The following APOL1 variants were observed in gnomAD, a reference collection of about 807,000 sequenced individuals.
APOL1 encodes apolipoprotein L1, also known as apolipoprotein L 1.
APOL1 carries 17 observed loss-of-function variants against 14.9 expected under a neutral mutation model. The observed-to-expected ratio is 1.14, with a 90% CI of 0.78 to 1.71. The LOEUF is 1.71. APOL1 is among the 40% of genes most tolerant of loss of function. APOL1 has a pLI of 0.00. For synonymous variants in APOL1, 195 were observed against 184.8 expected (o/e 1.05, Z -0.45); for missense variants, 523 against 485.9 (o/e 1.08, Z -0.72).
At chr22:36,261,872 T>G (rs1289678904) in intron 5 of APOL1, 150 bp downstream of exon 5, 5 of 975,642 alleles carry the variant, frequency 5.1e-6, no homozygotes, top group Non-Finnish European at 5.8e-6. Context: ...GGAAGAATAT[T>G]TCCTCCATGT....
chr22:36,254,476 C>T (rs1024808055), intron 1 of APOL1, among the ~76,000 whole-genome samples: 9 of 152,044 alleles, frequency 5.9e-5, no homozygotes, highest in Admixed American at 5.2e-4. Flanking sequence ...TTGAAGGAGG[C>T]GGATCACTTG....
intron 4 of APOL1, 53 bp downstream of exon 4, chr22:36,257,460 G>T: frequency 1.3e-6 from 2 of 1,512,524 alleles, no homozygotes; most frequent in Non-Finnish European, 1.8e-6. Flanking sequence ...AGAATGGAGG[G>T]TGGCACCTCC....
chr22:36,254,727 G>A (rs987225680), intron 1 of APOL1, among the ~76,000 whole-genome samples: 17 of 152,094 alleles, frequency 1.1e-4, no homozygotes, highest in African/African-American at 3.4e-4. Flanking sequence ...GCCGGGTGTC[G>A]TGGCGGGCAC....
chr22:36,254,687 C>G (rs1216836938), intron 1 of APOL1, among the ~76,000 whole-genome samples: 1 of 152,018 alleles, frequency 6.6e-6, no homozygotes, highest in African/African-American at 2.4e-5. Flanking sequence ...ATGGTGAAAC[C>G]CTGTCTCTAC....
At chr22:36,259,518 T>C (rs2016006472) in intron 4 of APOL1, 1 of 1,121,512 alleles carries the variant, frequency 8.9e-7, no homozygotes, top group Non-Finnish European at 1.1e-6. Flanking sequence ...CAAACTGGGC[T>C]GTGCTGAGTC....
chr22:36,261,549 C>T (rs761392769), intron 4 of APOL1, 47 bp from the exon 5 acceptor site: 183 of 1,574,578 alleles, frequency 1.2e-4, no homozygotes, highest in African/African-American at 4.1e-5. Flanking sequence ...GGCTGTTATG[C>T]ACTCCCACAC....
chr22:36,266,164 C>A lies in APOL1; in HGVS notation c.*131C>A. 9.6e-7 allele frequency: 1 copy of A among 1,039,188 alleles called. No individual in the cohort carries two copies. The highest frequency in any genetic ancestry group is 1.4e-6 in the Non-Finnish European group (1 of 729,724). The allele number at this position is 1,039,188 out of a possible 1,614,324, so 64.4% of individuals were successfully genotyped here. ...GGAGTGCAATGGTGCGATCTCAGCTCACTGCAAGCTCTGCCTCCCGTGTTC... is the reference window on the plus strand; with the variant it reads ...GGAGTGCAATGGTGCGATCTCAGCTAACTGCAAGCTCTGCCTCCCGTGTTC... On this transcript the variant is annotated 3_prime_UTR_variant, in exon 6 of 6. Transcript: ENST00000397278.
chr22:36,257,197 G>T, intron 3 of APOL1, 61 bp downstream of exon 3: 1 of 1,612,118 alleles, frequency 6.2e-7, no homozygotes, highest in Non-Finnish European at 8.5e-7. Flanking sequence ...TCTGGTTTAG[G>T]TTGGTCTTGG....
chr22:36,264,480 CTT>C (rs2016169820), intron 5 of APOL1, among the ~76,000 whole-genome samples: 1 of 152,200 alleles, frequency 6.6e-6, no homozygotes, highest in Non-Finnish European at 1.5e-5. Flanking sequence ...AATAAGGTCT[CTT>C]TGTCTCACTC....
chr22:36,254,857 C>T (rs764852873), intron 1 of APOL1, 80 bp from the exon 2 acceptor site: 58 of 1,575,948 alleles, frequency 3.7e-5, no homozygotes, highest in Middle Eastern at 2.1e-4. Flanking sequence ...AGCGAGACTC[C>T]ATTTCAAAAA....
rs752250834 is a variant in APOL1, at chr22:36,265,477, T to G, written c.641T>G (p.Leu214Trp). The change falls in exon 6 of 6, where the codon TTG (leucine) becomes TGG (tryptophan). Residue 214 changes from leucine to tryptophan, a missense_variant. Leu to Trp is a moderately conservative substitution (Grantham distance 61, BLOSUM62 -2). Coordinates refer to ENST00000397278, the MANE Select transcript of APOL1 (RefSeq NM_003661.4). ...GTACTCTTGGAACCTGGGATGGAGT[T>G]GGGAATCACAGCCGCTTTGACCGGG... ...SLVLLEPGME[L>W]GITAALTGIT... 7 of 1,614,004 alleles carry G rather than the reference T, an allele frequency of 4.3e-6. No homozygotes were observed. The South Asian group carries it at 7.7e-5, about 18-fold the overall frequency.
chr22:36,257,282 C>T (rs760680671), intron 3 of APOL1, 37 bp from the exon 4 acceptor site: 1 of 1,610,220 alleles, frequency 6.2e-7, no homozygotes, highest in South Asian at 1.1e-5. Flanking sequence ...ACTGGTGGCT[C>T]ACATTTGATC....
intron 1 of APOL1, 98 bp downstream of exon 1, chr22:36,253,317 T>A (rs1040510958): frequency 3.8e-6 from 1 of 263,434 alleles, no homozygotes; most frequent in African/African-American, 2.3e-5. Flanking sequence ...GACAGGAAAG[T>A]AGCGGCAAAG....
chr22:36,253,154 A>T lies in APOL1; in HGVS notation c.-85A>T. ...GGTTATTATACAGACGCATAACTGG[A>T]GGTGGGATCCACACAGCTCAGAACA... On this transcript the variant is annotated 5_prime_UTR_variant, in exon 1 of 6. Transcript: ENST00000397278. 2.0e-6 allele frequency: 1 copy of T among 497,654 alleles called. No homozygotes were observed. Among genetic ancestry groups the T allele is most frequent in the Non-Finnish European group, 4.0e-6 (1 of 249,688 alleles). The allele number at this position is 497,654 out of a possible 1,614,324, so 30.8% of individuals were successfully genotyped here.
At chr22:36,263,991 C>A (rs1415693765) in intron 5 of APOL1, among the ~76,000 whole-genome samples, 1 of 152,148 alleles carries the variant, frequency 6.6e-6, no homozygotes, top group African/African-American at 2.4e-5. Flanking sequence ...GGGGGGAAGA[C>A]CCTCCCTAAA....
chr22:36,253,921 G>A (rs189872260), intron 1 of APOL1: 228 of 1,613,942 alleles, frequency 1.4e-4, no homozygotes, highest in African/African-American at 1.4e-3. Context: ...AGAAGGGTGC[G>A]TTGCAGAATG....
intron 3 of APOL1, 84 bp downstream of exon 3, chr22:36,257,220 C>T (rs1183830292): frequency 1.2e-6 from 2 of 1,605,182 alleles, no homozygotes; most frequent in Admixed American, 3.3e-5. Context: ...TTTGCTTCCA[C>T]CCCAGAGAGA....
chr22:36,265,132 T>C lies in APOL1; in HGVS notation c.315-19T>C. On this transcript the variant is annotated intron_variant, in intron 5 of 5. Coordinates refer to ENST00000397278, the MANE Select transcript of APOL1 (RefSeq NM_003661.4). The stretch of plus-strand genomic sequence containing the variant: ...AGCCAAAACTGCATTTCTTAATCCT[T>C]TAACCTTTCCTTGTGCAGGAATGAG... 1 of 1,613,428 alleles carries C rather than the reference T, an allele frequency of 6.2e-7. No individual in the cohort carries two copies. Among genetic ancestry groups the C allele is most frequent in the African/African-American group, 1.3e-5 (1 of 74,972 alleles).
In APOL1 at chr22:36,261,656, A is replaced by G. The variant is rs1394874120; in HGVS notation, c.248A>G (p.Asn83Ser). 2.5e-6 allele frequency: 4 copies of G among 1,614,024 alleles called. No individual in the cohort carries two copies. The East Asian group carries it at 8.9e-5, about 36-fold the overall frequency. ...TTCAAGGAAAAAGTGAGCACACAGA[A>G]TCTGCTACTCCTGCTGACTGATAAT... Reference protein sequence around the residue: ...KYFKEKVSTQNLLLLLTDNEA... With the variant: ...KYFKEKVSTQSLLLLLTDNEA... The change falls in exon 5 of 6, where the codon AAT (asparagine) becomes AGT (serine). Residue 83 changes from asparagine (N) to serine (S), a missense_variant. Asn to Ser is a conservative substitution (Grantham distance 46). Coordinates refer to ENST00000397278, the MANE Select transcript of APOL1 (RefSeq NM_003661.4).
Sources: gnomAD v4.1 joint callset for allele counts (sites outside exome capture counted in the v4.1 genomes callset) on GRCh38, gnomAD v4.1.1 for gene constraint, MANE v1.5 for transcripts, NCBI Gene and HGNC (gene_info 2026-07-23, HGNC 2026-07-21) for gene names.